The following PPIP5K1 variants were observed in gnomAD, a reference collection of about 807,000 sequenced individuals.
PPIP5K1 encodes the protein diphosphoinositol pentakisphosphate kinase 1.
A neutral mutation model predicts 27.7 loss-of-function variants in PPIP5K1; 6 were observed. The observed-to-expected ratio is 0.22, with a 90% confidence interval of 0.12 to 0.43. The LOEUF (loss-of-function observed/expected upper bound fraction) is 0.43, where lower values mean the gene tolerates loss of function less well. Ranked by LOEUF, PPIP5K1 falls within the 20% of genes least tolerant of loss-of-function variation. PPIP5K1 has a pLI of 1.00. For missense variants in PPIP5K1, 394 were observed against 635.4 expected, an observed-to-expected ratio of 0.62 and a Z score of 4.08; for synonymous variants, 145 against 242.6, an observed-to-expected ratio of 0.60 and a Z score of 3.74.
intron 30 of PPIP5K1, among the ~76,000 whole-genome samples, chr15:43,545,539 A>T (rs530237853): frequency 6.8e-6 from 1 of 147,492 alleles, no homozygotes; most frequent in Non-Finnish European, 1.5e-5. Flanking sequence ...GTGTAGTAGC[A>T]CAATCACAGC....
At chr15:43,558,970 T>C in intron 29 of PPIP5K1, 38 bp from the exon 30 acceptor site, 1 of 1,609,762 alleles carries the variant, frequency 6.2e-7, no homozygotes, top group East Asian at 2.2e-5. Flanking sequence ...ATGTTACTCC[T>C]GCCAGATATA....
Position 43,579,665 on chromosome 15 carries a change from T to TTTA in PPIP5K1, c.1062-546_1062-545insTAA, listed in dbSNP as rs1555441639. ...TATATATATATATATTTTTTTTTTT[T>TTTA]TTTTTTTTTTTTTTGAGATAGAGTT... On this transcript the variant is annotated intron_variant, in intron 10 of 31. Coordinates refer to ENST00000420765, the MANE Select transcript of PPIP5K1 (RefSeq NM_001394395.1). Among the ~76,000 whole-genome samples, 4 of 48,286 alleles carry TTTA rather than the reference T, an allele frequency of 8.3e-5. No homozygotes were observed. In the African/African-American group the frequency reaches 1.0e-3, roughly 12 times the overall value. The allele number at this position is 48,286 out of a possible 152,430, so 31.7% of individuals were successfully genotyped here.
chr15:43,533,596 C>A lies in PPIP5K1; in HGVS notation c.*1078G>T, dbSNP rs1360661925. 6.6e-6 allele frequency: 1 copy of A among 152,550 alleles called. No individual in the cohort carries two copies. Among genetic ancestry groups the A allele is most frequent in the Non-Finnish European group, 1.5e-5 (1 of 68,036 alleles). The allele number at this position is 152,550 out of a possible 1,614,324, so 9.4% of individuals were successfully genotyped here. A position where few individuals can be genotyped will look rare whatever the true frequency, so the allele number is the denominator to read the frequency against. ...GGATCTTTGGAAAAAGCTTCATAAT[C>A]ATATCTGGCCCTCAGACACAATGAT... On this transcript the variant is annotated 3_prime_UTR_variant, in exon 32 of 32. Coordinates refer to ENST00000420765, the MANE Select transcript of PPIP5K1 (RefSeq NM_001394395.1).
chr15:43,551,977 A>T (rs1330067616), intron 30 of PPIP5K1, among the ~76,000 whole-genome samples: 3 of 144,794 alleles, frequency 2.1e-5, no homozygotes, highest in African/African-American at 5.1e-5. Context: ...TTGATTTCAG[A>T]TTTTTTTTTT....
chr15:43,537,645 C>T (rs561396662), intron 31 of PPIP5K1, among the ~76,000 whole-genome samples: 3 of 139,940 alleles, frequency 2.1e-5, no homozygotes, highest in Non-Finnish European at 3.0e-5. Flanking sequence ...GCCGAGATCG[C>T]GCCACTGTAC....
At chr15:43,536,604 A>T (rs1392140199) in intron 31 of PPIP5K1, among the ~76,000 whole-genome samples, 1 of 152,190 alleles carries the variant, frequency 6.6e-6, no homozygotes, top group Non-Finnish European at 1.5e-5. Context: ...TGAAGCTCAC[A>T]GACCCTACCC....
Position 43,558,912 on chromosome 15 carries a change from C to G in PPIP5K1, c.3439G>C (p.Val1147Leu). The change falls in exon 30 of 32, where the codon GTG (valine) becomes CTG (leucine). Residue 1147 changes from valine to leucine, a missense_variant. This residue lies in a region of PPIP5K1 where 379 missense variants were observed against 423.9 expected (regional missense o/e 0.89). Transcript: ENST00000420765. ...CLYGFEGCSM[V>L]PTIYPLETLH... ...GTTTCCAGAGGGTAGATGGTAGGCA[C>G]CATGGAACACCCTTCAAACCCTGTT... 6.2e-7 allele frequency: 1 copy of G among 1,613,742 alleles called. No individual in the cohort carries two copies.
intron 31 of PPIP5K1, among the ~76,000 whole-genome samples, chr15:43,539,075 G>A (rs936554499): frequency 6.6e-6 from 1 of 152,038 alleles, no homozygotes; most frequent in Non-Finnish European, 1.5e-5. Flanking sequence ...GCTGGGCGTG[G>A]TGGTGCATGC....
intron 31 of PPIP5K1, among the ~76,000 whole-genome samples, chr15:43,537,102 C>T (rs942860876): frequency 9.9e-5 from 15 of 150,816 alleles, no homozygotes; most frequent in African/African-American, 3.2e-4. Context: ...TTTGGGAGGC[C>T]GAGGTGGGCA....
chr15:43,545,203 A>C lies in PPIP5K1; in HGVS notation c.3557-5620T>G, dbSNP rs575516432. ...ATAAAAAAAAAAAAAAAAGTGGATT[A>C]TTGGATCAGAGGTTAACTATAATTC... On this transcript the variant is annotated intron_variant, in intron 30 of 31. Transcript: ENST00000420765. Among the ~76,000 whole-genome samples the C allele has an allele frequency of 2.3e-4, 35 of 151,782 alleles. No individual in the cohort carries two copies. In the East Asian group the frequency reaches 6.6e-3, roughly 29 times the overall value.
At chr15:43,540,198 G>A (rs1268094392) in intron 30 of PPIP5K1, among the ~76,000 whole-genome samples, 1 of 152,038 alleles carries the variant, frequency 6.6e-6, no homozygotes, top group Non-Finnish European at 1.5e-5. Flanking sequence ...GTTGCAGTGA[G>A]CTGAGATCGC....
chr15:43,539,401 G>A, intron 31 of PPIP5K1, 69 bp downstream of exon 31: 3 of 1,148,020 alleles, frequency 2.6e-6, no homozygotes, highest in Non-Finnish European at 3.8e-6. Flanking sequence ...TCATGCAACA[G>A]GCCCCTCATT....
intron 10 of PPIP5K1, among the ~76,000 whole-genome samples, chr15:43,580,697 C>T (rs948481022): frequency 1.1e-5 from 1 of 87,128 alleles, no homozygotes; most frequent in Non-Finnish European, 2.0e-5. Context: ...TGCGTTCAAG[C>T]GATTCTCCTG....
At position 43,534,794 on chromosome 15, in the gene PPIP5K1, G is replaced by A; in HGVS notation, c.4353C>T (p.Ala1451=). 1 of 1,597,990 alleles carries A rather than the reference G, an allele frequency of 6.3e-7. No homozygotes were observed. Among genetic ancestry groups the A allele is most frequent in the Non-Finnish European group, 8.5e-7 (1 of 1,172,402 alleles). ...QEFSVEVGRL[A]QETSAINLLS... Reference sequence around the variant, plus strand: ...ACAGATTGATCGCAGAAGTCTCCTGGGCCAGCCTGCCAACCTCCACAGAGA... The same window carrying A: ...ACAGATTGATCGCAGAAGTCTCCTGAGCCAGCCTGCCAACCTCCACAGAGA... The change falls in exon 32 of 32, where the codon GCC becomes GCT. Residue 1451 remains alanine, a synonymous_variant. Coordinates refer to ENST00000420765, the MANE Select transcript of PPIP5K1 (RefSeq NM_001394395.1).
chr15:43,549,783 C>T (rs914658338), intron 30 of PPIP5K1, among the ~76,000 whole-genome samples: 1 of 152,270 alleles, frequency 6.6e-6, no homozygotes, highest in African/African-American at 2.4e-5. Context: ...CCAGCCTGGG[C>T]AACATGGCAA....
At position 43,537,344 on chromosome 15, in the gene PPIP5K1, CAAAAAAAAAAAA is replaced by C. The variant is rs375557879; in HGVS notation, c.3671-1880_3671-1869del. Reference sequence around the variant, plus strand: ...TGGATGACAGAGCAAGACTCCACCTCAAAAAAAAAAAAAAAAAAAAAAAAAAAAGAATCAAAG... The same window carrying C: ...TGGATGACAGAGCAAGACTCCACCTCAAAAAAAAAAAAAAAAGAATCAAAG... On this transcript the variant is annotated intron_variant, in intron 31 of 31. Coordinates refer to ENST00000420765, the MANE Select transcript of PPIP5K1 (RefSeq NM_001394395.1). The C allele has an allele frequency of 7.2e-5, 6 of 83,490 alleles. No homozygotes were observed. The Admixed American group carries it at 7.7e-4, about 11-fold the overall frequency. 5.2% of individuals were successfully genotyped at this position (83,490 alleles called of 1,614,324 possible). A position where few individuals can be genotyped will look rare whatever the true frequency, so the allele number is the denominator to read the frequency against.
chr15:43,553,643 T>G (rs1374605974), intron 30 of PPIP5K1, among the ~76,000 whole-genome samples: 9 of 148,932 alleles, frequency 6.0e-5, no homozygotes, highest in African/African-American at 2.2e-4. Context: ...TAATTTTCTG[T>G]GTGTTTTTTT....
At chr15:43,556,104 G>C (rs2082900727) in intron 30 of PPIP5K1, among the ~76,000 whole-genome samples, 1 of 152,054 alleles carries the variant, frequency 6.6e-6, no homozygotes, top group South Asian at 2.1e-4. Context: ...CGGATCACGA[G>C]GTCAAGAGAT....
At chr15:43,558,647 G>T in intron 30 of PPIP5K1, 148 bp downstream of exon 30, 1 of 1,153,122 alleles carries the variant, frequency 8.7e-7, no homozygotes, top group Non-Finnish European at 1.2e-6. Flanking sequence ...ATGAACCACT[G>T]CGCCCAGCCA....
Sources: allele counts gnomAD v4.1 joint callset (sites outside exome capture counted in the v4.1 genomes callset), GRCh38; gene constraint gnomAD v4.1.1; regional missense constraint gnomAD v4.1.1; transcripts MANE v1.5; gene names NCBI Gene and HGNC (gene_info 2026-07-23, HGNC 2026-07-21).